The following DIP2B variants were observed in gnomAD, a reference collection of about 807,000 sequenced individuals.
DIP2B encodes DIP2 acetate--CoA ligase B (putative), also known as disco-interacting protein 2 homolog B.
A neutral mutation model predicts 198.0 loss-of-function variants in DIP2B; 76 were observed. The observed-to-expected ratio is 0.38, with a 90% CI of 0.32 to 0.46. The LOEUF (loss-of-function observed/expected upper bound fraction) is 0.46. Ranked by LOEUF, DIP2B falls within the 20% of genes least tolerant of loss-of-function variation. DIP2B has a pLI of 0.99. For missense variants in DIP2B, 1,559 were observed against 1,978.4 expected (o/e 0.79, Z 4.02); for synonymous variants, 701 against 739.1 (o/e 0.95, Z 0.84).
At position 50,746,181 on chromosome 12, in the gene DIP2B, T is replaced by C. The variant is rs1054940725; in HGVS notation, c.*1342T>C. 2.6e-5 allele frequency: 4 copies of C among 152,260 alleles called. No individual in the cohort carries two copies. The highest frequency in any genetic ancestry group is 5.9e-5 in the Non-Finnish European group (4 of 68,044). The allele number at this position is 152,260 out of a possible 1,614,324, so 9.4% of individuals were successfully genotyped here. ...CTGGCTCGGTTTCCTTTCTTTGGTC[T>C]GATACTTCATGTATTTGAATATAGT... On this transcript the variant is annotated 3_prime_UTR_variant, in exon 38 of 38. Transcript: ENST00000301180.
At chr12:50,569,474 A>C (rs1958594743) in intron 1 of DIP2B, among the ~76,000 whole-genome samples, 2 of 152,212 alleles carry the variant, frequency 1.3e-5, no homozygotes, top group Admixed American at 1.3e-4. Context: ...GGGAATGTGC[A>C]TGTTAATTCC....
At chr12:50,696,931 C>T (rs747648413) in intron 16 of DIP2B, 130 bp from the exon 17 acceptor site, 80 of 637,056 alleles carry the variant, frequency 1.3e-4, no homozygotes, top group Non-Finnish European at 2.0e-4. Flanking sequence ...AAAATATTTG[C>T]GTGGAATTAA....
chr12:50,598,651 T>G (rs1176119055), intron 1 of DIP2B, among the ~76,000 whole-genome samples: 1 of 150,476 alleles, frequency 6.6e-6, no homozygotes, highest in Non-Finnish European at 1.5e-5. Flanking sequence ...CTTTCCCTTT[T>G]TTATTCTTTC....
chr12:50,558,741 C>A (rs10783372), intron 1 of DIP2B, among the ~76,000 whole-genome samples: 42,239 of 152,016 alleles, frequency 0.28, 6,152 homozygotes, highest in East Asian at 0.39. Flanking sequence ...TGGAAACTGG[C>A]AAGTGGGTAG....
Position 50,674,757 on chromosome 12 carries a change from A to T in DIP2B, c.796+128A>T, listed in dbSNP as rs564382585. The T allele has an allele frequency of 1.0e-4, 116 of 1,127,564 alleles. No homozygotes were observed. The African/African-American group carries it at 1.7e-3, about 17-fold the overall frequency. 69.8% of individuals were successfully genotyped at this position (1,127,564 alleles called of 1,614,324 possible). A position where few individuals can be genotyped will look rare whatever the true frequency, so the allele number is the denominator to read the frequency against. On this transcript the variant is annotated intron_variant, in intron 6 of 37. Coordinates refer to ENST00000301180, the MANE Select transcript of DIP2B (RefSeq NM_173602.3). ...ATTGTAGTTGGCCCACTAATAACTA[A>T]TCCTGGGTACCTTTTTTCCATCATC...
chr12:50,739,368 T>C, intron 35 of DIP2B, 41 bp from the exon 36 acceptor site: 1 of 1,585,200 alleles, frequency 6.3e-7, no homozygotes, highest in East Asian at 2.3e-5. Flanking sequence ...AATACAGTTG[T>C]GTGTCCCCAG....
At chr12:50,721,170 A>G (rs1939829364) in intron 25 of DIP2B, 103 bp from the exon 26 acceptor site, 1 of 1,479,120 alleles carries the variant, frequency 6.8e-7, no homozygotes, top group Non-Finnish European at 9.0e-7. Context: ...AGGATAATCT[A>G]CAAAAGCACA....
At chr12:50,659,092 A>G (rs1381291804) in intron 3 of DIP2B, among the ~76,000 whole-genome samples, 1 of 152,206 alleles carries the variant, frequency 6.6e-6, no homozygotes, top group East Asian at 1.9e-4. Flanking sequence ...ATCTCAAAAA[A>G]AACAGGTCAA....
intron 12 of DIP2B, among the ~76,000 whole-genome samples, chr12:50,690,115 C>G (rs1939197417): frequency 6.8e-6 from 1 of 147,984 alleles, no homozygotes; most frequent in African/African-American, 2.5e-5. Context: ...GAGACGGAGT[C>G]TCGCTCTGTT....
At chr12:50,644,496 G>A (rs1212209323) in intron 3 of DIP2B, among the ~76,000 whole-genome samples, 3 of 152,194 alleles carry the variant, frequency 2.0e-5, no homozygotes, top group Non-Finnish European at 4.4e-5. Context: ...TGGGAGAGAT[G>A]TCCAAAGTCA....
At chr12:50,657,808 T>C (rs2139508884) in intron 3 of DIP2B, among the ~76,000 whole-genome samples, 1 of 152,280 alleles carries the variant, frequency 6.6e-6, no homozygotes, top group African/African-American at 2.4e-5. Flanking sequence ...GAAACAGTTC[T>C]GGATTATAGG....
At chr12:50,692,566 T>C (rs936204140) in intron 13 of DIP2B, among the ~76,000 whole-genome samples, 2 of 152,044 alleles carry the variant, frequency 1.3e-5, no homozygotes, top group Non-Finnish European at 2.9e-5. Context: ...GGCTGGGCGC[T>C]GTGGCTTATG....
Position 50,732,476 on chromosome 12 carries a change from G to C in DIP2B, c.3921G>C (p.Leu1307=), listed in dbSNP as rs776135257. Residue 1307 remains leucine (L), a synonymous_variant, in exon 32 of 38, where the codon CTG becomes CTC. Transcript: ENST00000301180. ...SFSKLFKDIG[L]SPRAVSTTFG... ...CTAAGCTCTTCAAAGACATCGGGCT[G>C]TCCCCGCGGGCTGTCAGCACCACTT... 2.0e-5 allele frequency: 32 copies of C among 1,614,102 alleles called. 1 individual carries two copies. In the South Asian group the frequency reaches 3.5e-4, roughly 18 times the overall value.
At chr12:50,615,245 G>A (rs1937676262) in intron 1 of DIP2B, among the ~76,000 whole-genome samples, 2 of 151,978 alleles carry the variant, frequency 1.3e-5, no homozygotes, top group Non-Finnish European at 1.5e-5. Context: ...TTACTTTTCC[G>A]CACCCCCTCC....
intron 19 of DIP2B, among the ~76,000 whole-genome samples, chr12:50,703,204 C>G (rs1226649779): frequency 6.9e-6 from 1 of 145,724 alleles, no homozygotes; most frequent in African/African-American, 2.6e-5. Context: ...GCCTGGGCAA[C>G]AAAGTGAGAC....
In DIP2B at chr12:50,691,036, TTTTG is replaced by T; in HGVS notation, c.1552-9_1552-6del. ...TTTATTGTGTTTCTTATGTTTCTGT[TTTTG>T]TTTTCTAGTATAAAACAAGCAAAGA... On this transcript the variant is annotated splice_polypyrimidine_tract_variant and intron_variant, in intron 12 of 37. Coordinates refer to ENST00000301180, the MANE Select transcript of DIP2B (RefSeq NM_173602.3). 1 of 1,609,134 alleles carries T rather than the reference TTTTG, an allele frequency of 6.2e-7. No individual in the cohort carries two copies. The highest frequency in any genetic ancestry group is 8.5e-7 in the Non-Finnish European group (1 of 1,176,632).
chr12:50,732,411 GC>G lies in DIP2B; in HGVS notation c.3857del (p.Ala1286GlyfsTer37). ...CTGCGTCCGGACCTGTGTGGTGGTG[GC>G]GGAGGAGAGGCCCCGCGTTGCACTC... is the stretch of plus-strand genomic sequence containing the variant. ...LSCVRTCVVV[A>X]EERPRVALQQ... On this transcript the variant is annotated frameshift_variant, in exon 32 of 38. Transcript: ENST00000301180. LOFTEE classifies it high-confidence loss of function. The G allele has an allele frequency of 6.2e-7, 1 of 1,614,202 alleles. No individual in the cohort carries two copies. Among genetic ancestry groups the G allele is most frequent in the Non-Finnish European group, 8.5e-7 (1 of 1,180,038 alleles).
At chr12:50,580,078 G>A (rs1958710666) in intron 1 of DIP2B, among the ~76,000 whole-genome samples, 1 of 148,668 alleles carries the variant, frequency 6.7e-6, no homozygotes, top group South Asian at 2.2e-4. Context: ...TTGTTGGCTT[G>A]CTTGTGTGTA....
rs1231877321 is a variant in DIP2B, at chr12:50,675,455, G to A, written c.916+7G>A. ...TCTGAAGAAATTGTGGAAGGTAGTA[G>A]TAAAAATACCAAAAACATATATTCA... On this transcript the variant is annotated splice_region_variant and intron_variant, in intron 7 of 37. Coordinates refer to ENST00000301180, the MANE Select transcript of DIP2B (RefSeq NM_173602.3). 6.2e-7 allele frequency: 1 copy of A among 1,612,782 alleles called. No homozygotes were observed. The highest frequency in any genetic ancestry group is 2.2e-5 in the East Asian group (1 of 44,820).
Sources: allele counts gnomAD v4.1 joint callset (sites outside exome capture counted in the v4.1 genomes callset), GRCh38; gene constraint gnomAD v4.1.1; transcripts MANE v1.5; gene names NCBI Gene and HGNC (gene_info 2026-07-23, HGNC 2026-07-21).